The following RAB2B variants were observed in gnomAD, a reference collection of about 807,000 sequenced individuals.
RAB2B encodes the protein ras-related protein Rab-2B.
RAB2B carries 20 observed loss-of-function variants against 29.8 expected under a neutral mutation model. The ratio of observed to expected loss-of-function variants is 0.67; its 90% CI spans 0.47 to 0.97. RAB2B has a LOEUF of 0.97. Ranked by LOEUF, RAB2B falls within the 50% of genes least tolerant of loss-of-function variation. RAB2B has a pLI of 0.00. For synonymous variants in RAB2B, 93 were observed against 91.7 expected (o/e 1.01, Z -0.08); for missense variants, 218 against 272.0 (o/e 0.80, Z 1.40).
intron 6 of RAB2B, 42 bp downstream of exon 6, chr14:21,463,614 G>A: frequency 7.9e-7 from 1 of 1,258,940 alleles, no homozygotes; most frequent in Non-Finnish European, 1.2e-6. Context: ...AAATAATGGT[G>A]TAATCTCTAA....
rs758753880 is a variant in RAB2B at position 21,476,508 on chromosome 14, G to A, written c.118+20C>T. On this transcript the variant is annotated intron_variant, in intron 2 of 7. Coordinates refer to ENST00000397762, the MANE Select transcript of RAB2B (RefSeq NM_032846.4). ...TAGTCAGGTTTTATCATCTGTTCTG[G>A]AACAAGTAGATGCACTTACCTATTG... 8.1e-6 allele frequency: 13 copies of A among 1,613,508 alleles called. No individual in the cohort carries two copies. Among genetic ancestry groups the A allele is most frequent in the Non-Finnish European group, 1.1e-5 (13 of 1,179,956 alleles).
intron 3 of RAB2B, among the ~76,000 whole-genome samples, chr14:21,469,650 T>C (rs1890760602): frequency 6.6e-6 from 1 of 152,224 alleles, no homozygotes; most frequent in African/African-American, 2.4e-5. Flanking sequence ...ATTGAATCTA[T>C]CCTATTAAGA....
rs750052382 is a variant in RAB2B, at chr14:21,476,586, T to A, written c.60A>T (p.Ser20=). 1 of 1,613,698 alleles carries A rather than the reference T, an allele frequency of 6.2e-7. No homozygotes were observed. Among genetic ancestry groups the A allele is most frequent in the East Asian group, 2.2e-5 (1 of 44,882 alleles). The part of the protein sequence containing the change: ...IIIGDTGVGK[S]CLLLQFTDKR... ...TATCTGTAAACTGCAGGAGGAGACA[T>A]GACTTCCCCACACCTGAAAGAGAAA... is the stretch of plus-strand genomic sequence containing the variant. Residue 20 remains serine (S), a synonymous_variant, in exon 2 of 8, where the codon TCA becomes TCT. Transcript: ENST00000397762.
intron 3 of RAB2B, among the ~76,000 whole-genome samples, chr14:21,471,971 C>T (rs1030501072): frequency 2.6e-5 from 4 of 152,034 alleles, no homozygotes; most frequent in Admixed American, 6.6e-5. Flanking sequence ...CCACGACACC[C>T]GGCCTAGATG....
intron 3 of RAB2B, among the ~76,000 whole-genome samples, chr14:21,472,914 A>T (rs1243724259): frequency 1.3e-5 from 2 of 151,990 alleles, no homozygotes; most frequent in South Asian, 4.2e-4. Context: ...CATCTGGGCC[A>T]GGTGCCAAGG....
intron 5 of RAB2B, among the ~76,000 whole-genome samples, chr14:21,464,355 G>A (rs184940563): frequency 8.9e-4 from 136 of 152,224 alleles, no homozygotes; most frequent in Non-Finnish European, 1.4e-3. Context: ...AACTGAGATC[G>A]CGCCATTGCA....
Position 21,467,332 on chromosome 14 carries a change from A to T in RAB2B, c.362+1025T>A, listed in dbSNP as rs1451740300. 2.6e-5 allele frequency among the ~76,000 whole-genome samples: 4 copies of T among 151,860 alleles called. No individual in the cohort carries two copies. In the East Asian group the frequency reaches 7.7e-4, roughly 29 times the overall value. On this transcript the variant is annotated intron_variant, in intron 5 of 7. Transcript: ENST00000397762. ...AGTGATCCTCCCACCTCATTTAAAA[A>T]TTTTTTTGTATAAACAAGGTCTCAC... is the stretch of plus-strand genomic sequence containing the variant.
intron 5 of RAB2B, among the ~76,000 whole-genome samples, chr14:21,465,672 ATTATTATTTT>A (rs1323304730): frequency 6.6e-6 from 1 of 152,108 alleles, no homozygotes; most frequent in African/African-American, 2.4e-5. Flanking sequence ...GTATTTATTT[ATTATTATTTT>A]TAATCCCCCA....
rs1890518445 is a variant in RAB2B, at chr14:21,460,476, T to TC, written c.*719dup. 1 of 299,366 alleles carries TC rather than the reference T, an allele frequency of 3.3e-6. No homozygotes were observed. Among genetic ancestry groups the TC allele is most frequent in the Admixed American group, 4.4e-5 (1 of 22,638 alleles). 18.5% of individuals were successfully genotyped at this position (299,366 alleles called of 1,614,324 possible). ...GGCACATGCCTGTAGTCCCAGCTAC[T>TC]CGGGAGGTTGAGGCAGGAGAACTGC... On this transcript the variant is annotated 3_prime_UTR_variant, in exon 8 of 8. Transcript: ENST00000397762.
chr14:21,468,679 T>C lies in RAB2B; in HGVS notation c.260A>G (p.Asp87Gly). Residue 87 changes from aspartate to glycine, a missense_variant, in exon 4 of 8, where the codon GAC (aspartate) becomes GGC (glycine). Asp to Gly is a moderately conservative substitution (Grantham distance 94). Transcript: ENST00000397762. ...RGAAGALLVY[D>G]ITRRETFNHL... ...ACCAGATCTGGCTCACCTTGTAATG[T>C]CGTACACCAGCAGTGCTCCAGCTGC... 6.4e-7 allele frequency: 1 copy of C among 1,572,532 alleles called. No individual in the cohort carries two copies. Among genetic ancestry groups the C allele is most frequent in the Admixed American group, 2.0e-5 (1 of 50,422 alleles).
Position 21,463,725 on chromosome 14 carries a change from C to T in RAB2B, c.405G>A (p.Glu135=), listed in dbSNP as rs375388481. 7.6e-5 allele frequency: 123 copies of T among 1,613,820 alleles called. No homozygotes were observed. Among genetic ancestry groups the T allele is most frequent in the Non-Finnish European group, 1.0e-4 (121 of 1,179,906 alleles). Residue 135 remains glutamate (E), a synonymous_variant, in exon 6 of 8, where the codon GAG becomes GAA. Transcript: ENST00000397762. ...SRRDVKREEG[E]AFAREHGLIF... ...TAAGTCCATGCTCCCTAGCAAAGGC[C>T]TCTCCTTCTTCTCTCTTCACATCCC...
intron 3 of RAB2B, among the ~76,000 whole-genome samples, chr14:21,472,458 C>T (rs1349450815): frequency 2.0e-5 from 3 of 152,056 alleles, no homozygotes; most frequent in Non-Finnish European, 4.4e-5. Flanking sequence ...GATGGGTAAA[C>T]AATGGGCAGG....
At position 21,476,919 on chromosome 14, in the gene RAB2B, C is replaced by G. The variant is rs1166749020; in HGVS notation, c.-47G>C. On this transcript the variant is annotated 5_prime_UTR_variant, in exon 1 of 8. Transcript: ENST00000397762. ...CGGGTCCGCCCGACTTCTATAGCCA[C>G]TTACCTCCGACCTCTCTAGCCACTC... 6.2e-7 allele frequency: 1 copy of G among 1,600,956 alleles called. No homozygotes were observed. Among genetic ancestry groups the G allele is most frequent in the African/African-American group, 1.3e-5 (1 of 74,636 alleles).
chr14:21,468,570 C>T (rs1890737129), intron 4 of RAB2B, 100 bp downstream of exon 4: 3 of 1,264,550 alleles, frequency 2.4e-6, no homozygotes, highest in South Asian at 1.3e-5. Context: ...AGAGGCCATT[C>T]CTAGTTAACA....
chr14:21,476,426 G>A (rs956873687), intron 2 of RAB2B, 102 bp downstream of exon 2: 18 of 1,315,968 alleles, frequency 1.4e-5, no homozygotes, highest in African/African-American at 4.4e-5. Context: ...AGTAGTGAGG[G>A]GTAACTTTTT....
chr14:21,460,079 G>C lies in RAB2B; in HGVS notation c.*1117C>G, dbSNP rs915312804. ...TAATAGGATAGTAGAGAAGTACTCA[G>C]TGCTCTTGGGCAAGTAGAGGAAACT... On this transcript the variant is annotated 3_prime_UTR_variant, in exon 8 of 8. Transcript: ENST00000397762. 1 of 506,836 alleles carries C rather than the reference G, an allele frequency of 2.0e-6. No homozygotes were observed. Among genetic ancestry groups the C allele is most frequent in the Non-Finnish European group, 3.9e-6 (1 of 254,416 alleles). The allele number at this position is 506,836 out of a possible 1,614,324, so 31.4% of individuals were successfully genotyped here. A position where few individuals can be genotyped will look rare whatever the true frequency, so the allele number is the denominator to read the frequency against.
chr14:21,469,526 A>C (rs917250077), intron 3 of RAB2B, among the ~76,000 whole-genome samples: 14 of 152,226 alleles, frequency 9.2e-5, no homozygotes, highest in African/African-American at 3.4e-4. Flanking sequence ...AAAACTGAGT[A>C]ATTTATTAAT....
intron 3 of RAB2B, among the ~76,000 whole-genome samples, chr14:21,473,621 C>T (rs1890871977): frequency 6.6e-6 from 1 of 152,202 alleles, no homozygotes; most frequent in Non-Finnish European, 1.5e-5. Flanking sequence ...TGGCTCACGC[C>T]TGTAATCCCA....
At chr14:21,470,207 C>T (rs1245989092) in intron 3 of RAB2B, among the ~76,000 whole-genome samples, 1 of 152,078 alleles carries the variant, frequency 6.6e-6, no homozygotes, top group Non-Finnish European at 1.5e-5. Context: ...CCCGCCTCGG[C>T]CTCCCAAAGT....
Sources: gnomAD v4.1 joint callset for allele counts (sites outside exome capture counted in the v4.1 genomes callset) on GRCh38, gnomAD v4.1.1 for gene constraint, MANE v1.5 for transcripts, NCBI Gene and HGNC (gene_info 2026-07-23, HGNC 2026-07-21) for gene names.